SVIL: variants seen among roughly 807,000 people sequenced by gnomAD.
SVIL encodes the protein archvillin.
SVIL carries 101 observed loss-of-function variants against 240.4 expected under a neutral mutation model. The observed-to-expected ratio is 0.42, with a 90% CI of 0.36 to 0.50. The LOEUF is 0.50. Ranked by LOEUF, SVIL falls within the 20% of genes least tolerant of loss-of-function variation. The pLI is 0.01. For synonymous variants in SVIL, 999 were observed against 1,100.0 expected, an observed-to-expected ratio of 0.91 and a Z score of 1.82; for missense variants, 2,512 against 2,818.7, an observed-to-expected ratio of 0.89 and a Z score of 2.46.
chr10:29,461,152 T>G (rs1944211017), intron 36 of SVIL, among the ~76,000 whole-genome samples: 1 of 152,216 alleles, frequency 6.6e-6, no homozygotes, highest in South Asian at 2.1e-4. Flanking sequence ...TTGGCTATGC[T>G]TGTCTCAGTG....
intron 1 of SVIL, among the ~76,000 whole-genome samples, chr10:29,575,681 G>T (rs867954640): frequency 4.6e-5 from 7 of 152,122 alleles, no homozygotes; most frequent in South Asian, 2.1e-4. Context: ...TTTGCCGGCT[G>T]AAAAATTCCA....
In SVIL at chr10:29,701,573, G is replaced by T. The variant is rs1386215032; in HGVS notation, c.-399-14922C>A. 3.3e-5 allele frequency among the ~76,000 whole-genome samples: 5 copies of T among 151,994 alleles called. No homozygotes were observed. In the East Asian group the frequency reaches 9.7e-4, roughly 29 times the overall value. On this transcript the variant is annotated intron_variant, in intron 1 of 35. Coordinates refer to the SVIL transcript ENST00000375400. Reference sequence around the variant, plus strand: ...AGGGAAAATTTTAATTTTCCCTATTGAAACTGAAAATAGGGAAATAAAAAA... The same window carrying T: ...AGGGAAAATTTTAATTTTCCCTATTTAAACTGAAAATAGGGAAATAAAAAA...
At chr10:29,724,806 G>C (rs1248899927) in intron 1 of SVIL, among the ~76,000 whole-genome samples, 1 of 152,082 alleles carries the variant, frequency 6.6e-6, no homozygotes, top group African/African-American at 2.4e-5. Flanking sequence ...TGGATCGCTT[G>C]AAGTCAGGAG....
intron 1 of SVIL, among the ~76,000 whole-genome samples, chr10:29,610,933 G>A (rs1012937350): frequency 1.3e-5 from 2 of 152,118 alleles, no homozygotes; most frequent in East Asian, 1.9e-4. Context: ...GAGGCTCTTC[G>A]CTACCCAAAG....
chr10:29,729,984 G>C (rs909141470), intron 1 of SVIL, among the ~76,000 whole-genome samples: 1 of 151,360 alleles, frequency 6.6e-6, no homozygotes, highest in African/African-American at 2.4e-5. Context: ...AGCCCAGGGA[G>C]CTCGAGACCA....
At chr10:29,630,931 G>A (rs1958063542) in intron 1 of SVIL, among the ~76,000 whole-genome samples, 1 of 152,154 alleles carries the variant, frequency 6.6e-6, no homozygotes, top group South Asian at 2.1e-4. Context: ...GACCCTGGGG[G>A]TGGTAAGAGA....
At chr10:29,493,486 T>G (rs1948154272) in intron 20 of SVIL, 95 bp from the exon 21 acceptor site, 1 of 1,351,622 alleles carries the variant, frequency 7.4e-7, no homozygotes, top group Admixed American at 2.1e-5. Flanking sequence ...GCCTCCTAAG[T>G]TCCAGGAGTG....
At chr10:29,465,206 CT>C (rs1944758965) in intron 34 of SVIL, among the ~76,000 whole-genome samples, 2 of 152,174 alleles carry the variant, frequency 1.3e-5, no homozygotes, top group African/African-American at 4.8e-5. Context: ...CTTCCCCTTT[CT>C]TTCTCTTTCT....
chr10:29,583,585 C>T (rs1243866736), intron 1 of SVIL, among the ~76,000 whole-genome samples: 1 of 152,176 alleles, frequency 6.6e-6, no homozygotes, highest in Admixed American at 6.5e-5. Context: ...CAGGTGTGAA[C>T]CACTGCACCC....
chr10:29,613,524 A>ACG (rs1957327133), intron 1 of SVIL, among the ~76,000 whole-genome samples: 1 of 151,912 alleles, frequency 6.6e-6, no homozygotes, highest in African/African-American at 2.4e-5. Flanking sequence ...TTTTGTAAAG[A>ACG]TGGAGGTCTC....
At chr10:29,652,006 G>GC (rs1216614164) in intron 3 of SVIL, among the ~76,000 whole-genome samples, 4 of 145,478 alleles carry the variant, frequency 2.7e-5, no homozygotes, top group African/African-American at 9.9e-5. Flanking sequence ...ATATATGTAA[G>GC]ACACACACAC....
At chr10:29,670,767 G>T (rs1959706504) in intron 2 of SVIL, among the ~76,000 whole-genome samples, 1 of 152,194 alleles carries the variant, frequency 6.6e-6, no homozygotes, top group African/African-American at 2.4e-5. Context: ...TGCAGTGGCA[G>T]GAAAGCCAGC....
intron 3 of SVIL, among the ~76,000 whole-genome samples, chr10:29,643,228 G>T (rs1337407964): frequency 2.0e-5 from 3 of 152,190 alleles, no homozygotes; most frequent in Non-Finnish European, 4.4e-5. Context: ...GTCAGTGCAG[G>T]AAAGTAAGAC....
intron 26 of SVIL, among the ~76,000 whole-genome samples, chr10:29,485,659 A>T (rs1947324641): frequency 6.6e-6 from 1 of 152,230 alleles, no homozygotes; most frequent in Non-Finnish European, 1.5e-5. Flanking sequence ...GATACTGGAA[A>T]TGTATGTAAT....
intron 1 of SVIL, among the ~76,000 whole-genome samples, chr10:29,703,699 T>G (rs892043700): frequency 6.6e-6 from 1 of 152,216 alleles, no homozygotes; most frequent in African/African-American, 2.4e-5. Flanking sequence ...TGTGGGGTGT[T>G]TCTCATCCCA....
intron 34 of SVIL, 44 bp from the exon 35 acceptor site, chr10:29,463,679 C>T (rs1450196098): frequency 1.3e-5 from 21 of 1,602,378 alleles, no homozygotes; most frequent in South Asian, 2.2e-5. Context: ...AGCTCCTTCA[C>T]GGACACTTCT....
intron 1 of SVIL, among the ~76,000 whole-genome samples, chr10:29,599,048 T>C (rs1332728124): frequency 1.3e-5 from 2 of 152,210 alleles, no homozygotes; most frequent in African/African-American, 2.4e-5. Context: ...CAGTTCAGTT[T>C]GTTTCTTTTT....
At chr10:29,622,944 C>G (rs1367256021) in intron 1 of SVIL, among the ~76,000 whole-genome samples, 3 of 152,144 alleles carry the variant, frequency 2.0e-5, no homozygotes, top group Non-Finnish European at 4.4e-5. Context: ...ATCCATAATT[C>G]AAAATGCAGA....
chr10:29,596,900 A>G (rs1037390530), intron 1 of SVIL, among the ~76,000 whole-genome samples: 3 of 152,228 alleles, frequency 2.0e-5, no homozygotes, highest in Non-Finnish European at 4.4e-5. Context: ...TCCCGCTAGC[A>G]TGAAGTTAAG....
Sources: allele counts gnomAD v4.1 joint callset (sites outside exome capture counted in the v4.1 genomes callset), GRCh38; gene constraint gnomAD v4.1.1; transcripts MANE v1.5; gene names NCBI Gene and HGNC (gene_info 2026-07-23, HGNC 2026-07-21).